The following USP34 variants were observed in gnomAD, a reference collection of about 807,000 sequenced individuals.
USP34 encodes the protein ubiquitin specific peptidase 34.
Under a neutral mutation model 460.3 loss-of-function variants are expected in USP34, and 70 were observed. The ratio of observed to expected loss-of-function variants is 0.15; its 90% CI spans 0.13 to 0.19. The LOEUF (loss-of-function observed/expected upper bound fraction) is 0.19, where lower values mean the gene tolerates loss of function less well. Ranked by LOEUF, USP34 falls within the 10% of genes least tolerant of loss-of-function variation. The probability of loss-of-function intolerance (pLI) is 1.00; values close to 1 mark genes in which losing one functional copy is unlikely to be tolerated. For missense variants in USP34, 3,985 were observed against 4,236.2 expected, an observed-to-expected ratio of 0.94 and a Z score of 1.65; for synonymous variants, 1,647 against 1,405.3, an observed-to-expected ratio of 1.17 and a Z score of -3.85.
Position 61,232,967 on chromosome 2 carries a change from T to G in USP34, c.7033-435A>C, listed in dbSNP as rs560171729. On this transcript the variant is annotated intron_variant, in intron 57 of 79. Coordinates refer to ENST00000398571, the MANE Select transcript of USP34 (RefSeq NM_014709.4). ...TCACTGAAACCTCTGCCTCCCAGGTTCAAGTGATTCTCCTCCCGAGTAGCT... is the reference window on the plus strand; with the variant it reads ...TCACTGAAACCTCTGCCTCCCAGGTGCAAGTGATTCTCCTCCCGAGTAGCT... 2.7e-4 allele frequency among the ~76,000 whole-genome samples: 40 copies of G among 147,972 alleles called. No individual in the cohort carries two copies. In the South Asian group the frequency reaches 8.2e-3, roughly 30 times the overall value.
chr2:61,281,187 A>T lies in USP34; in HGVS notation c.5054T>A (p.Leu1685Gln). 1 of 1,614,152 alleles carries T rather than the reference A, an allele frequency of 6.2e-7. No individual in the cohort carries two copies. Among genetic ancestry groups the T allele is most frequent in the African/African-American group, 1.3e-5 (1 of 75,082 alleles). The change falls in exon 38 of 80, where the codon CTG becomes CAG. Residue 1685 changes from leucine (L) to glutamine (Q), a missense_variant. Around this residue, in one of 14 missense-constraint regions of USP34, gnomAD observed 1,114 missense variants for 1,122.5 expected, o/e 0.99. Coordinates refer to ENST00000398571, the MANE Select transcript of USP34 (RefSeq NM_014709.4). ...ACGATTGATTGAGTCTCCTCCATCC[A>T]GCCCTGACAGGGATAACTTATAGAG... ...SGLYKLSLSG[L>Q]DGGDSINRSF... is the part of the protein sequence containing the mutation.
At chr2:61,457,565 T>C (rs1372221656) in intron 1 of USP34, among the ~76,000 whole-genome samples, 2 of 152,160 alleles carry the variant, frequency 1.3e-5, no homozygotes, top group African/African-American at 4.8e-5. Flanking sequence ...GGTACTAATA[T>C]CACGAACTAG....
chr2:61,465,339 T>C (rs1329729297), intron 1 of USP34, among the ~76,000 whole-genome samples: 6 of 152,178 alleles, frequency 3.9e-5, no homozygotes, highest in Admixed American at 3.3e-4. Flanking sequence ...CAGCTTCAGA[T>C]TCTCAGGACT....
intron 49 of USP34, among the ~76,000 whole-genome samples, chr2:61,247,591 T>C (rs1026787156): frequency 6.6e-6 from 1 of 152,148 alleles, no homozygotes; most frequent in Non-Finnish European, 1.5e-5. Context: ...TGCAGTGGCA[T>C]AATCATAGCT....
At chr2:61,295,914 G>C (rs912063629) in intron 30 of USP34, among the ~76,000 whole-genome samples, 2 of 152,138 alleles carry the variant, frequency 1.3e-5, no homozygotes, top group African/African-American at 4.8e-5. Flanking sequence ...TCATCCTGTA[G>C]AGTTCTTTCG....
At chr2:61,209,089 C>T (rs370156397) in intron 69 of USP34, 112 bp from the exon 70 acceptor site, 2 of 538,056 alleles carry the variant, frequency 3.7e-6, no homozygotes, top group Non-Finnish European at 6.2e-6. Context: ...GCTTTCCTAC[C>T]TACAGAAAAG....
At chr2:61,340,036 G>A (rs552210894) in intron 16 of USP34, among the ~76,000 whole-genome samples, 1 of 152,074 alleles carries the variant, frequency 6.6e-6, no homozygotes, top group East Asian at 1.9e-4. Context: ...AAGTGAAATC[G>A]TTTCCTTTCT....
chr2:61,339,743 TC>T, intron 16 of USP34, 62 bp from the exon 17 acceptor site: 1 of 854,070 alleles, frequency 1.2e-6, no homozygotes, highest in East Asian at 3.0e-5. Context: ...ATTATAGCAT[TC>T]ATATGGTTAG....
chr2:61,400,487 T>G (rs1010058114), intron 3 of USP34, among the ~76,000 whole-genome samples: 1 of 152,068 alleles, frequency 6.6e-6, no homozygotes, highest in Admixed American at 6.5e-5. Flanking sequence ...TCTCAAAATT[T>G]TTGCTTAAAA....
In USP34 at chr2:61,347,852, A is replaced by G. The variant is rs1691818786; in HGVS notation, c.2285+18T>C. 4 of 1,607,394 alleles carry G rather than the reference A, an allele frequency of 2.5e-6. No individual in the cohort carries two copies. The African/African-American group carries it at 4.0e-5, about 16-fold the overall frequency. On this transcript the variant is annotated intron_variant, in intron 15 of 79. Transcript: ENST00000398571. Reference sequence around the variant, plus strand: ...TAAAGGAAATATGAACTGAATATTTATTTTGAAGTAGGCTTACCCATCGTG... The same window carrying G: ...TAAAGGAAATATGAACTGAATATTTGTTTTGAAGTAGGCTTACCCATCGTG...
At position 61,269,854 on chromosome 2, in the gene USP34, T is replaced by C. The variant is rs914141824; in HGVS notation, c.5434-3687A>G. ...TTTGACACATAAATACAATGTGTAA[T>C]GATGAAATCAGGGTATTTGGAATAC... On this transcript the variant is annotated intron_variant, in intron 41 of 79. Coordinates refer to ENST00000398571, the MANE Select transcript of USP34 (RefSeq NM_014709.4). 1.1e-4 allele frequency among the ~76,000 whole-genome samples: 17 copies of C among 152,268 alleles called. 1 individual carries two copies. The South Asian group carries it at 3.5e-3, about 32-fold the overall frequency.
chr2:61,229,748 T>C, intron 58 of USP34, 115 bp from the exon 59 acceptor site: 2 of 843,380 alleles, frequency 2.4e-6, no homozygotes, highest in East Asian at 2.7e-5. Context: ...CAAGATTATC[T>C]TGGTATTCTG....
In USP34 at chr2:61,268,927, T is replaced by C. The variant is rs575621846; in HGVS notation, c.5434-2760A>G. On this transcript the variant is annotated intron_variant, in intron 41 of 79. Transcript: ENST00000398571. ...ACAAAGTATATTTATGCTCCTTCAA[T>C]TGCCATGTCCTAATAATAAATGTAA... Among the ~76,000 whole-genome samples the C allele has an allele frequency of 2.2e-4, 33 of 152,296 alleles. No individual in the cohort carries two copies. The South Asian group carries it at 2.5e-3, about 11-fold the overall frequency.
chr2:61,470,518 C>G, intron 1 of USP34, 132 bp downstream of exon 1: 1 of 305,810 alleles, frequency 3.3e-6, no homozygotes, highest in Non-Finnish European at 5.6e-6. Flanking sequence ...CGCACCTTCC[C>G]GGGGCGCTAG....
chr2:61,245,141 T>C lies in USP34; in HGVS notation c.6627+69A>G, dbSNP rs182576022. 4.5e-4 allele frequency: 537 copies of C among 1,184,458 alleles called. 2 individuals carry two copies. The highest frequency in any genetic ancestry group is 6.1e-4 in the Non-Finnish European group (505 of 822,128). 73.4% of individuals were successfully genotyped at this position (1,184,458 alleles called of 1,614,324 possible). On this transcript the variant is annotated intron_variant, in intron 51 of 79. Transcript: ENST00000398571. ...AAAAGAAAGTTAAGCGACTCTGCTA[T>C]TGGATTTTATGATATGACAAAGCAC...
At chr2:61,449,652 A>G (rs1324347991) in intron 1 of USP34, among the ~76,000 whole-genome samples, 1 of 152,206 alleles carries the variant, frequency 6.6e-6, no homozygotes, top group Non-Finnish European at 1.5e-5. Flanking sequence ...CAGAGTACAG[A>G]AAAAAACCCT....
chr2:61,398,317 T>C (rs916039921), intron 3 of USP34, among the ~76,000 whole-genome samples: 3 of 151,528 alleles, frequency 2.0e-5, no homozygotes, highest in Non-Finnish European at 4.4e-5. Context: ...CAATGAGCCA[T>C]GTTCATGCCA....
At chr2:61,254,406 T>C (rs1370147519) in intron 48 of USP34, among the ~76,000 whole-genome samples, 2 of 152,226 alleles carry the variant, frequency 1.3e-5, no homozygotes, top group Non-Finnish European at 1.5e-5. Flanking sequence ...AAAACTTGGA[T>C]GGCAATAATC....
At position 61,211,931 on chromosome 2, in the gene USP34, TAAAA is replaced by T; in HGVS notation, c.8683-6_8683-3del. ...CAGGTTAAACAGTTCTTCTACTGCC[TAAAA>T]AAGCCAAATAAGCCATATGATCTTT... On this transcript the variant is annotated splice_polypyrimidine_tract_variant and splice_region_variant and intron_variant, in intron 68 of 79. Coordinates refer to ENST00000398571, the MANE Select transcript of USP34 (RefSeq NM_014709.4). 1.3e-6 allele frequency: 2 copies of T among 1,598,690 alleles called. No homozygotes were observed. Among genetic ancestry groups the T allele is most frequent in the Non-Finnish European group, 8.5e-7 (1 of 1,175,842 alleles).
Sources: gnomAD v4.1 joint callset for allele counts (sites outside exome capture counted in the v4.1 genomes callset) on GRCh38, gnomAD v4.1.1 for gene constraint, gnomAD v4.1.1 regional missense constraint, MANE v1.5 for transcripts, NCBI Gene and HGNC (gene_info 2026-07-23, HGNC 2026-07-21) for gene names.